Variants in PCMTD2 observed in about 807,000 individuals in gnomAD.
The protein encoded by PCMTD2 is protein-L-isoaspartate (D-aspartate) O-methyltransferase domain containing 2.
In PCMTD2, 16 loss-of-function variants were observed where a neutral mutation model predicts 33.4. The ratio of observed to expected loss-of-function variants is 0.48; its 90% confidence interval spans 0.32 to 0.73. The LOEUF (loss-of-function observed/expected upper bound fraction) is 0.73. PCMTD2 is among the 30% of genes least tolerant of loss of function. The pLI is 0.03. For synonymous variants in PCMTD2, 161 were observed against 160.8 expected (o/e 1.00, Z -0.01); for missense variants, 374 against 449.9 (o/e 0.83, Z 1.53).
chr20:64,264,956 C>T (rs940327305), intron 3 of PCMTD2, among the ~76,000 whole-genome samples: 6 of 152,182 alleles, frequency 3.9e-5, no homozygotes, highest in African/African-American at 9.7e-5. Flanking sequence ...ATTAATAGAT[C>T]TTACATAAGA....
At position 64,274,290 on chromosome 20, in the gene PCMTD2, C is replaced by A. The variant is rs2145771833; in HGVS notation, c.*690C>A. The A allele has an allele frequency of 6.9e-6, 1 of 145,192 alleles. No individual in the cohort carries two copies. The highest frequency in any genetic ancestry group is 2.0e-4 in the East Asian group (1 of 5,084). 9.0% of individuals were successfully genotyped at this position (145,192 alleles called of 1,614,324 possible). On this transcript the variant is annotated 3_prime_UTR_variant, in exon 6 of 6. Transcript: ENST00000308824. ...ATCTTTCTGGAATTCCGAGAGAATT[C>A]CAAAGAGGGTTTTTTTTTTTTTTTT...
chr20:64,272,977 G>A (rs1030159723), intron 5 of PCMTD2, among the ~76,000 whole-genome samples: 1 of 152,170 alleles, frequency 6.6e-6, no homozygotes, highest in African/African-American at 2.4e-5. Context: ...ATATAGCCAA[G>A]CAATATTGCT....
At chr20:64,270,812 T>G in intron 5 of PCMTD2, among the ~76,000 whole-genome samples, 1 of 85,156 alleles carries the variant, frequency 1.2e-5, no homozygotes, top group African/African-American at 7.4e-5. Flanking sequence ...CGTGAGGTGT[T>G]CGTTGTGATA....
chr20:64,272,726 G>A (rs1048770524), intron 5 of PCMTD2, among the ~76,000 whole-genome samples: 100 of 152,256 alleles, frequency 6.6e-4, no homozygotes, highest in African/African-American at 2.3e-3. Context: ...AGGTTGAGGC[G>A]GGAGGATCAC....
chr20:64,268,725 C>CAA (rs71197474), intron 5 of PCMTD2, among the ~76,000 whole-genome samples: 3 of 136,838 alleles, frequency 2.2e-5, no homozygotes, highest in African/African-American at 7.9e-5. Flanking sequence ...CATAGTCTTA[C>CAA]AAAAAAAAAA....
Position 64,263,571 on chromosome 20 carries a change from G to A in PCMTD2, c.308-858G>A, listed in dbSNP as rs181170938. The stretch of plus-strand genomic sequence containing the variant: ...TTACATGTAGATTTAAAAAGTTGAC[G>A]TGTAACTTACCCATAGTAAATGAAC... On this transcript the variant is annotated intron_variant, in intron 2 of 5. Coordinates refer to ENST00000308824, the MANE Select transcript of PCMTD2 (RefSeq NM_018257.3). 9.2e-5 allele frequency among the ~76,000 whole-genome samples: 14 copies of A among 152,260 alleles called. No homozygotes were observed. The East Asian group carries it at 2.1e-3, about 23-fold the overall frequency.
Position 64,274,527 on chromosome 20 carries a change from TAAATA to T in PCMTD2, c.*928_*932del, listed in dbSNP as rs1986038932. The T allele has an allele frequency of 6.6e-6, 1 of 152,212 alleles. No individual in the cohort carries two copies. Among genetic ancestry groups the T allele is most frequent in the Non-Finnish European group, 1.5e-5 (1 of 68,054 alleles). 9.4% of individuals were successfully genotyped at this position (152,212 alleles called of 1,614,324 possible). ...CATCCTCAGAGCAGGTCGAAAATAT[TAAATA>T]GACTGGGGACTCTATGATGGGCAGC... is the stretch of plus-strand genomic sequence containing the variant. On this transcript the variant is annotated 3_prime_UTR_variant, in exon 6 of 6. Transcript: ENST00000308824.
In PCMTD2 at chr20:64,265,263, ACTTCTGTGAAC is replaced by A; in HGVS notation, c.421_431del (p.Cys141LeufsTer17). On this transcript the variant is annotated frameshift_variant, in exon 4 of 6. Coordinates refer to ENST00000308824, the MANE Select transcript of PCMTD2 (RefSeq NM_018257.3). LOFTEE classifies it high-confidence loss of function. ...GAAGCATTTTTTACTTCCAGGTTTG[ACTTCTGTGAAC>A]CTTCCTTTGTTACTGGGAATTGCCT... 3 of 1,595,966 alleles carry A rather than the reference ACTTCTGTGAAC, an allele frequency of 1.9e-6. No individual in the cohort carries two copies. Among genetic ancestry groups the A allele is most frequent in the Non-Finnish European group, 2.6e-6 (3 of 1,172,002 alleles).
intron 5 of PCMTD2, among the ~76,000 whole-genome samples, chr20:64,268,767 A>G (rs2273447): frequency 3.9e-5 from 6 of 151,908 alleles, no homozygotes; most frequent in Non-Finnish European, 7.4e-5. Flanking sequence ...ACATTTTGGC[A>G]AATCTCTTCC....
intron 4 of PCMTD2, chr20:64,265,677 T>G (rs551379043): frequency 7.9e-6 from 3 of 381,006 alleles, no homozygotes; most frequent in Admixed American, 4.2e-5. Flanking sequence ...TCTCTCTCTT[T>G]TTCCTTCTTC....
In PCMTD2 at chr20:64,267,961, G is replaced by C; in HGVS notation, c.657G>C (p.Leu219=). 2 of 1,613,452 alleles carry C rather than the reference G, an allele frequency of 1.2e-6. No individual in the cohort carries two copies. The highest frequency in any genetic ancestry group is 1.7e-6 in the Non-Finnish European group (2 of 1,179,474). The change falls in exon 5 of 6, where the codon CTG becomes CTC. Residue 219 remains leucine, a synonymous_variant. Transcript: ENST00000308824. ...KKILAVSFAP[L]IQPCHSESGK... ...TTCTTGCTGTTTCTTTTGCTCCTCTGATCCAGCCCTGCCATTCAGAGTCAG... is the reference window on the plus strand; with the variant it reads ...TTCTTGCTGTTTCTTTTGCTCCTCTCATCCAGCCCTGCCATTCAGAGTCAG...
Position 64,273,471 on chromosome 20 carries a change from G to A in PCMTD2, c.957G>A (p.Arg319=). The change falls in exon 6 of 6, where the codon AGG becomes AGA. Residue 319 remains arginine, a synonymous_variant. Transcript: ENST00000308824. The stretch of plus-strand genomic sequence containing the variant: ...GTGAAGACTTGGAAGAGGAACGGAG[G>A]GAAGAAGAAGAGAAGACCCCGCCGG... ...NSCEDLEEER[R]EEEEKTPPET... is the part of the protein sequence containing the mutation. 1.9e-6 allele frequency: 3 copies of A among 1,612,738 alleles called. No homozygotes were observed. The highest frequency in any genetic ancestry group is 2.5e-6 in the Non-Finnish European group (3 of 1,179,590).
At chr20:64,269,947 CGTGA>C (rs1448996801) in intron 5 of PCMTD2, among the ~76,000 whole-genome samples, 59 of 93,482 alleles carry the variant, frequency 6.3e-4, no homozygotes, top group African/African-American at 2.2e-3. Flanking sequence ...TGTGGGGTCC[CGTGA>C]GTGAGGGCGT....
intron 5 of PCMTD2, among the ~76,000 whole-genome samples, chr20:64,272,605 T>C (rs1319013165): frequency 2.0e-5 from 3 of 152,282 alleles, no homozygotes; most frequent in African/African-American, 7.2e-5. Context: ...GATCACTTGA[T>C]GTTAGGAGTT....
chr20:64,273,522 C>T lies in PCMTD2; in HGVS notation c.1008C>T (p.Asn336=). 1 of 1,583,392 alleles carries T rather than the reference C, an allele frequency of 6.3e-7. No homozygotes were observed. Among genetic ancestry groups the T allele is most frequent in the Non-Finnish European group, 8.6e-7 (1 of 1,169,174 alleles). ...AAACAAAGCCAGACCCCCCAGTGAA[C>T]TTCCTACGCCAGAAGGTCCTGAGCC... ...PPETKPDPPV[N]FLRQKVLSLP... Residue 336 remains asparagine (N), a synonymous_variant, in exon 6 of 6, where the codon AAC becomes AAT. Coordinates refer to ENST00000308824, the MANE Select transcript of PCMTD2 (RefSeq NM_018257.3).
At position 64,272,145 on chromosome 20, in the gene PCMTD2, ACCAGGGGCCTGGGACACAAG is replaced by A. The variant is rs1444173309; in HGVS notation, c.707-1073_707-1054del. ...AGGGAGAAGGTGCTACTTACTCACT[ACCAGGGGCCTGGGACACAAG>A]CCTGTTTGAGGGTTTCTGAAGAACA... On this transcript the variant is annotated intron_variant, in intron 5 of 5. Transcript: ENST00000308824. 1.1e-5 allele frequency: 4 copies of A among 374,280 alleles called. No homozygotes were observed. In the East Asian group the frequency reaches 2.8e-4, roughly 26 times the overall value. 23.2% of individuals were successfully genotyped at this position (374,280 alleles called of 1,614,324 possible).
At chr20:64,270,513 G>T (rs1024258707) in intron 5 of PCMTD2, among the ~76,000 whole-genome samples, 4 of 150,444 alleles carry the variant, frequency 2.7e-5, no homozygotes, top group African/African-American at 9.8e-5. Context: ...GAGTTCCGGC[G>T]TGCACGATGT....
intron 3 of PCMTD2, 142 bp downstream of exon 3, chr20:64,264,673 A>G: frequency 1.6e-6 from 1 of 609,466 alleles, no homozygotes. Context: ...TAATTTTCAG[A>G]AAAGATTCTG....
Position 64,273,587 on chromosome 20 carries a change from A to C in PCMTD2, c.1073A>C (p.Tyr358Ser). Residue 358 changes from tyrosine to serine, a missense_variant, in exon 6 of 6, where the codon TAC (tyrosine) becomes TCC (serine). Transcript: ENST00000308824. ...PDPLKYYLLY[Y>S]REK ...CCCCTGAAATACTACTTGCTTTATT[A>C]CAGAGAAAAATAAGTCTCCTGTTTG... The C allele has an allele frequency of 2.0e-6, 3 of 1,518,916 alleles. No homozygotes were observed. Among genetic ancestry groups the C allele is most frequent in the Non-Finnish European group, 2.6e-6 (3 of 1,136,930 alleles). The allele number at this position is 1,518,916 out of a possible 1,614,324, so 94.1% of individuals were successfully genotyped here.
Sources: allele counts gnomAD v4.1 joint callset (sites outside exome capture counted in the v4.1 genomes callset), GRCh38; gene constraint gnomAD v4.1.1; transcripts MANE v1.5; gene names NCBI Gene and HGNC (gene_info 2026-07-23, HGNC 2026-07-21).